ADGRA2: variants seen among roughly 807,000 people sequenced by gnomAD.
The protein encoded by ADGRA2 is adhesion G protein-coupled receptor A2.
In ADGRA2, 61 loss-of-function variants were observed where a neutral mutation model predicts 98.7. The observed-to-expected ratio is 0.62, with a 90% CI of 0.50 to 0.76. ADGRA2 has a LOEUF of 0.76. ADGRA2 is among the 30% of genes least tolerant of loss of function. The pLI is 0.00. For missense variants in ADGRA2, 1,712 were observed against 1,860.0 expected (o/e 0.92, Z 1.46); for synonymous variants, 858 against 831.5 (o/e 1.03, Z -0.55).
At position 37,842,261 on chromosome 8, in the gene ADGRA2, G is replaced by C. The variant is rs1397691411; in HGVS notation, c.3923G>C (p.Gly1308Ala). 9 of 1,566,538 alleles carry C rather than the reference G, an allele frequency of 5.7e-6. 1 individual carries two copies. In the South Asian group the frequency reaches 1.1e-4, roughly 18 times the overall value. ...NAASLNGAPK[G>A]GKYDDVTLMG... ...GCCAGCCTAAACGGCGCCCCCAAGGGGGGCAAGTACGACGACGTCACCCTG... is the reference window on the plus strand; with the variant it reads ...GCCAGCCTAAACGGCGCCCCCAAGGCGGGCAAGTACGACGACGTCACCCTG... Residue 1308 changes from glycine (G) to alanine (A), a missense_variant, in exon 19 of 19, where the codon GGG (glycine) becomes GCG (alanine). Gly to Ala is a moderately conservative substitution (Grantham distance 60). Transcript: ENST00000412232.
chr8:37,808,293 C>T (rs978079824), intron 1 of ADGRA2, among the ~76,000 whole-genome samples: 1 of 152,168 alleles, frequency 6.6e-6, no homozygotes, highest in East Asian at 1.9e-4. Flanking sequence ...CCAGCCAGGG[C>T]TCTGGGGCAG....
intron 1 of ADGRA2, among the ~76,000 whole-genome samples, chr8:37,806,101 G>C (rs73592894): frequency 0.11 from 16,716 of 152,048 alleles, 1,082 homozygotes; most frequent in South Asian, 0.18. Context: ...AGGTCAGTTG[G>C]GGGTAATTTC....
intron 13 of ADGRA2, among the ~76,000 whole-genome samples, chr8:37,837,028 C>T (rs1476544941): frequency 1.3e-5 from 2 of 152,218 alleles, no homozygotes; most frequent in African/African-American, 4.8e-5. Context: ...AGGCAGTGGA[C>T]AAGTCGTTGT....
Position 37,797,414 on chromosome 8 carries a change from A to G in ADGRA2, c.146A>G (p.Glu49Gly), listed in dbSNP as rs1274841318. 2.1e-6 allele frequency: 3 copies of G among 1,428,576 alleles called. No homozygotes were observed. Among genetic ancestry groups the G allele is most frequent in the South Asian group, 1.5e-5 (1 of 67,712 alleles). The allele number at this position is 1,428,576 out of a possible 1,614,324, so 88.5% of individuals were successfully genotyped here. A position where few individuals can be genotyped will look rare whatever the true frequency, so the allele number is the denominator to read the frequency against. Reference protein sequence around the residue: ...LSIRSCKCSGERPKGLSGGVP... With the variant: ...LSIRSCKCSGGRPKGLSGGVP... ...ATCCGCAGCTGCAAGTGCTCGGGGG[A>G]GCGGCCCAAGGGGCTGAGCGGCGGC... The change falls in exon 1 of 19, where the codon GAG becomes GGG. Residue 49 changes from glutamate (E) to glycine (G), a missense_variant. Coordinates refer to ENST00000412232, the MANE Select transcript of ADGRA2 (RefSeq NM_032777.10). This position sits in a 1 kb window ranked among gnomAD's most constrained non-coding sequence, Gnocchi z 5.3.
Position 37,835,566 on chromosome 8 carries a change from C to T in ADGRA2, c.1846C>T (p.Leu616=), listed in dbSNP as rs769984860. 5 of 1,612,082 alleles carry T rather than the reference C, an allele frequency of 3.1e-6. No individual in the cohort carries two copies. The Admixed American group carries it at 8.3e-5, about 27-fold the overall frequency. ...SSFHIKNSVA[L]ASIQLPPSLF... is the part of the protein sequence containing the mutation. ...TATGTCCCCCCAGAACAGCGTGGCCCTGGCCTCCATCCAGCTGCCCCCGAG... is the reference window on the plus strand; with the variant it reads ...TATGTCCCCCCAGAACAGCGTGGCCTTGGCCTCCATCCAGCTGCCCCCGAG... Residue 616 remains leucine (L), a synonymous_variant, in exon 13 of 19, where the codon CTG becomes TTG. Coordinates refer to ENST00000412232, the MANE Select transcript of ADGRA2 (RefSeq NM_032777.10).
chr8:37,840,312 C>A, intron 17 of ADGRA2, 46 bp downstream of exon 17: 1 of 1,597,848 alleles, frequency 6.3e-7, no homozygotes, highest in Non-Finnish European at 8.5e-7. Context: ...GGGACTCCAA[C>A]GCAGGCGTAG....
Position 37,844,391 on chromosome 8 carries a change from AAGCAAT to A in ADGRA2, c.*2038_*2043del. Reference sequence around the variant, plus strand: ...CCCTCTTGGTTCCTTCAAACAAGAAAAGCAATACCTACGGACTGGTGTACACTTCCA... The same window carrying A: ...CCCTCTTGGTTCCTTCAAACAAGAAAACCTACGGACTGGTGTACACTTCCA... On this transcript the variant is annotated 3_prime_UTR_variant, in exon 19 of 19. Transcript: ENST00000412232. 1.3e-6 allele frequency: 2 copies of A among 1,494,492 alleles called. No homozygotes were observed. Among genetic ancestry groups the A allele is most frequent in the Non-Finnish European group, 1.8e-6 (2 of 1,105,170 alleles). 92.6% of individuals were successfully genotyped at this position (1,494,492 alleles called of 1,614,324 possible). A position where few individuals can be genotyped will look rare whatever the true frequency, so the allele number is the denominator to read the frequency against.
In ADGRA2 at chr8:37,797,430, G is replaced by A. The variant is rs1804362858; in HGVS notation, c.162G>A (p.Leu54=). 2.5e-5 allele frequency: 35 copies of A among 1,419,996 alleles called. No homozygotes were observed. Among genetic ancestry groups the A allele is most frequent in the Non-Finnish European group, 3.2e-5 (35 of 1,085,026 alleles). The allele number at this position is 1,419,996 out of a possible 1,614,324, so 88.0% of individuals were successfully genotyped here. The change falls in exon 1 of 19, where the codon CTG becomes CTA. Residue 54 remains leucine, a synonymous_variant. Coordinates refer to ENST00000412232, the MANE Select transcript of ADGRA2 (RefSeq NM_032777.10). The surrounding 1 kb of genome is among the most constrained non-coding windows in gnomAD (Gnocchi z 5.3). The part of the protein sequence containing the change: ...CKCSGERPKG[L]SGGVPGPARR... ...GCTCGGGGGAGCGGCCCAAGGGGCT[G>A]AGCGGCGGCGTCCCTGGCCCGGCTC...
Position 37,840,772 on chromosome 8 carries a change from C to A in ADGRA2, c.2670C>A (p.Ile890=). 2 of 1,592,152 alleles carry A rather than the reference C, an allele frequency of 1.3e-6. No individual in the cohort carries two copies. Among genetic ancestry groups the A allele is most frequent in the Non-Finnish European group, 1.7e-6 (2 of 1,160,614 alleles). Residue 890 remains isoleucine, a synonymous_variant, in exon 18 of 19, where the codon ATC becomes ATA. Coordinates refer to ENST00000412232, the MANE Select transcript of ADGRA2 (RefSeq NM_032777.10). ...TCATTCCCTCCAGGTTCTATTTGAT[C>A]GCTGGAGGGATTCCACTCATTATCT... ...TPSPMLRFYL[I]AGGIPLIICG...
In ADGRA2 at chr8:37,842,184, C is replaced by G; in HGVS notation, c.3846C>G (p.Gly1282=). 1 of 1,538,086 alleles carries G rather than the reference C, an allele frequency of 6.5e-7. No individual in the cohort carries two copies. The highest frequency in any genetic ancestry group is 8.7e-7 in the Non-Finnish European group (1 of 1,143,502). ...RRSASRDSLK[G]GGALEKESHR... ...GCGCCAGCCGCGACAGTCTCAAGGG[C>G]GGCGGCGCGCTGGAGAAGGAGAGCC... Residue 1282 remains glycine, a synonymous_variant, in exon 19 of 19, where the codon GGC becomes GGG. Coordinates refer to ENST00000412232, the MANE Select transcript of ADGRA2 (RefSeq NM_032777.10).
At chr8:37,805,594 T>C (rs1290086251) in intron 1 of ADGRA2, among the ~76,000 whole-genome samples, 1 of 151,712 alleles carries the variant, frequency 6.6e-6, no homozygotes, top group East Asian at 1.9e-4. Flanking sequence ...TTTTGGCCAG[T>C]CACGGTGGCT....
intron 1 of ADGRA2, among the ~76,000 whole-genome samples, chr8:37,798,154 C>G (rs2129875604): frequency 6.6e-6 from 1 of 152,312 alleles, no homozygotes; most frequent in East Asian, 1.9e-4. Flanking sequence ...CCTGGCGTCC[C>G]CATCCCTCTA....
chr8:37,822,959 T>C (rs984807897), intron 2 of ADGRA2, among the ~76,000 whole-genome samples: 3 of 151,336 alleles, frequency 2.0e-5, no homozygotes, highest in Non-Finnish European at 2.9e-5. Flanking sequence ...TGGTGCGATC[T>C]CGGCTTGCTA....
intron 1 of ADGRA2, among the ~76,000 whole-genome samples, chr8:37,800,396 G>A (rs1029181863): frequency 6.6e-6 from 1 of 152,208 alleles, no homozygotes; most frequent in African/African-American, 2.4e-5. Flanking sequence ...AGAGCTCTCC[G>A]AGTAGATGAG....
Position 37,833,974 on chromosome 8 carries a change from AG to A in ADGRA2, c.1456del (p.Val486Ter). 6.2e-7 allele frequency: 1 copy of A among 1,612,250 alleles called. No homozygotes were observed. Among genetic ancestry groups the A allele is most frequent in the Non-Finnish European group, 8.5e-7 (1 of 1,179,128 alleles). ...ACTTCCCTGTCCCCCCAGCTGGTAGAGGTGATGGTGGACATGGCCAGCAACC... is the reference window on the plus strand; with the variant it reads ...ACTTCCCTGTCCCCCCAGCTGGTAGAGTGATGGTGGACATGGCCAGCAACC... ...GYVDQIKELV[E>X]VMVDMASNLM... On this transcript the variant is annotated frameshift_variant, in exon 11 of 19. Transcript: ENST00000412232. LOFTEE classifies it high-confidence loss of function.
At chr8:37,808,075 G>A (rs1378681840) in intron 1 of ADGRA2, among the ~76,000 whole-genome samples, 1 of 152,136 alleles carries the variant, frequency 6.6e-6, no homozygotes, top group Non-Finnish European at 1.5e-5. Context: ...AACTCTGCTT[G>A]CTTCTCTCCC....
Position 37,829,841 on chromosome 8 carries a change from C to A in ADGRA2, c.555-10C>A. Reference sequence around the variant, plus strand: ...TGCTCTGCTCCGTGACCCCTCTGCCCACCCTGCAGGGACTTGGGCACCGAG... The same window carrying A: ...TGCTCTGCTCCGTGACCCCTCTGCCAACCCTGCAGGGACTTGGGCACCGAG... On this transcript the variant is annotated splice_polypyrimidine_tract_variant and intron_variant, in intron 5 of 18. Coordinates refer to ENST00000412232, the MANE Select transcript of ADGRA2 (RefSeq NM_032777.10). 1 of 1,606,508 alleles carries A rather than the reference C, an allele frequency of 6.2e-7. No homozygotes were observed. The highest frequency in any genetic ancestry group is 8.5e-7 in the Non-Finnish European group (1 of 1,176,464).
At chr8:37,824,518 A>T (rs1195004352) in intron 2 of ADGRA2, among the ~76,000 whole-genome samples, 5 of 89,436 alleles carry the variant, frequency 5.6e-5, no homozygotes, top group Admixed American at 2.9e-4. Context: ...TTTGAGACTG[A>T]GTTTTGCTCT....
chr8:37,843,615 CT>C lies in ADGRA2; in HGVS notation c.*1261del. On this transcript the variant is annotated 3_prime_UTR_variant, in exon 19 of 19. Transcript: ENST00000412232. ...AAACCAAGGTCTGACCTAGGGTTCC[CT>C]CCCAGTCTTCACATCACTCTGGCCT... is the stretch of plus-strand genomic sequence containing the variant. 6.6e-6 allele frequency: 1 copy of C among 152,436 alleles called. No homozygotes were observed. Among genetic ancestry groups the C allele is most frequent in the Non-Finnish European group, 1.5e-5 (1 of 68,052 alleles). 9.4% of individuals were successfully genotyped at this position (152,436 alleles called of 1,614,324 possible).
Sources: gnomAD v4.1 joint callset for allele counts (sites outside exome capture counted in the v4.1 genomes callset) on GRCh38, gnomAD v4.1.1 for gene constraint, Gnocchi (gnomAD v3.1) non-coding constraint, MANE v1.5 for transcripts, NCBI Gene and HGNC (gene_info 2026-07-23, HGNC 2026-07-21) for gene names.